The following TRIP12 variants were observed in gnomAD, a reference collection of about 807,000 sequenced individuals.
TRIP12 encodes the protein E3 ubiquitin-protein ligase TRIP12.
Under a neutral mutation model 244.2 loss-of-function variants are expected in TRIP12, and 25 were observed. That is an observed-to-expected ratio of 0.10 (90% CI 0.07 to 0.14). The LOEUF (loss-of-function observed/expected upper bound fraction) is 0.14. TRIP12 is among the 10% of genes least tolerant of loss of function. The pLI, the probability that TRIP12 is intolerant of heterozygous loss-of-function variation, is 1.00. For missense variants in TRIP12, 1,677 were observed against 2,486.4 expected, an observed-to-expected ratio of 0.67 and a Z score of 6.92; for synonymous variants, 905 against 873.1, an observed-to-expected ratio of 1.04 and a Z score of -0.64.
intron 8 of TRIP12, among the ~76,000 whole-genome samples, chr2:229,822,109 C>A (rs1033250247): frequency 1.4e-4 from 21 of 152,146 alleles, no homozygotes; most frequent in African/African-American, 4.1e-4. Context: ...CGCTGCACTC[C>A]AGCATGAGCG....
At position 229,860,382 on chromosome 2, in the gene TRIP12, T is replaced by A. The variant is rs201319063; in HGVS notation, c.224+24A>T. On this transcript the variant is annotated intron_variant, in intron 3 of 41. Transcript: ENST00000675903. ...AATGCAAATAATTCTGCCTTGAAAA[T>A]GTATAAGCAACATGAAGATTTACCT... 6.5e-4 allele frequency: 1,035 copies of A among 1,584,536 alleles called. 2 individuals carry two copies. The highest frequency in any genetic ancestry group is 2.8e-3 in the Admixed American group (158 of 55,728).
intron 31 of TRIP12, among the ~76,000 whole-genome samples, chr2:229,789,369 T>C (rs770116697): frequency 3.9e-5 from 6 of 152,248 alleles, no homozygotes; most frequent in Non-Finnish European, 8.8e-5. Context: ...AAGTTTCATA[T>C]TGTAGCTTAA....
At chr2:229,831,624 CTG>C (rs2053410792) in intron 6 of TRIP12, among the ~76,000 whole-genome samples, 1 of 152,152 alleles carries the variant, frequency 6.6e-6, no homozygotes, top group Non-Finnish European at 1.5e-5. Flanking sequence ...GGGCCAGACT[CTG>C]TCTCAAAACA....
intron 39 of TRIP12, among the ~76,000 whole-genome samples, chr2:229,769,892 A>G (rs2033557089): frequency 6.6e-6 from 1 of 152,202 alleles, no homozygotes; most frequent in African/African-American, 2.4e-5. Context: ...AAAGCAATAA[A>G]TGCTTTCATG....
chr2:229,825,302 TAA>T (rs1241316567), intron 8 of TRIP12, among the ~76,000 whole-genome samples: 1 of 152,136 alleles, frequency 6.6e-6, no homozygotes, highest in East Asian at 1.9e-4. Flanking sequence ...CATCAACTTT[TAA>T]AAGTCTAGAA....
Position 229,812,658 on chromosome 2 carries a change from T to C in TRIP12, c.1986+1212A>G, listed in dbSNP as rs182089737. Among the ~76,000 whole-genome samples, 326 of 152,074 alleles carry C rather than the reference T, an allele frequency of 2.1e-3. 1 individual carries two copies. The highest frequency in any genetic ancestry group is 6.8e-3 in the Middle Eastern group (2 of 294). On this transcript the variant is annotated intron_variant, in intron 13 of 41. Coordinates refer to ENST00000675903, the MANE Select transcript of TRIP12 (RefSeq NM_001348323.3). The stretch of plus-strand genomic sequence containing the variant: ...CTGTCTCTACTAAAAACACAAAAAT[T>C]AGCTGGGCGTGGTGGCACGCAACTG...
Position 229,766,476 on chromosome 2 carries a change from G to A in TRIP12, c.*1078C>T, listed in dbSNP as rs1410413639. 6.6e-6 allele frequency: 1 copy of A among 152,170 alleles called. No individual in the cohort carries two copies. The highest frequency in any genetic ancestry group is 1.5e-5 in the Non-Finnish European group (1 of 68,034). The allele number at this position is 152,170 out of a possible 1,614,324, so 9.4% of individuals were successfully genotyped here. The stretch of plus-strand genomic sequence containing the variant: ...GCACATAAAATGACTGGACAGCATT[G>A]CTTACAGGTGCTTTTATCTGCGTCG... On this transcript the variant is annotated 3_prime_UTR_variant, in exon 42 of 42. Transcript: ENST00000675903.
At chr2:229,878,037 T>C (rs2063959099) in intron 2 of TRIP12, among the ~76,000 whole-genome samples, 2 of 152,310 alleles carry the variant, frequency 1.3e-5, no homozygotes, top group South Asian at 4.1e-4. Flanking sequence ...CTTAACATGC[T>C]AAAATACTGA....
rs2045732319 is a variant in TRIP12, at chr2:229,805,752, G to A, written c.2628C>T (p.Asn876=). Residue 876 remains asparagine (N), a synonymous_variant, in exon 18 of 42, where the codon AAC becomes AAT. Coordinates refer to ENST00000675903, the MANE Select transcript of TRIP12 (RefSeq NM_001348323.3). ...TACTAGTGTTACTATTGGCTAACGG[G>A]TTAGGTTTTCTCTGAATGGCACGTG... ...GTARAIQRKP[N]PLANSNTSGY... 1 of 1,600,970 alleles carries A rather than the reference G, an allele frequency of 6.2e-7. No individual in the cohort carries two copies. The highest frequency in any genetic ancestry group is 8.5e-7 in the Non-Finnish European group (1 of 1,169,720).
chr2:229,908,764 A>G (rs2073578228), intron 1 of TRIP12, among the ~76,000 whole-genome samples: 1 of 148,484 alleles, frequency 6.7e-6, no homozygotes, highest in Non-Finnish European at 1.5e-5. Flanking sequence ...GCTGCTGGAC[A>G]TGGTGGCTTA....
intron 3 of TRIP12, 131 bp from the exon 4 acceptor site, chr2:229,859,705 G>T (rs1559924394): frequency 2.0e-6 from 2 of 1,003,484 alleles, no homozygotes; most frequent in Non-Finnish European, 2.9e-6. Context: ...TTTTCAGAAG[G>T]TTCAAATCTG....
At chr2:229,800,862 G>A (rs368105674) in intron 21 of TRIP12, among the ~76,000 whole-genome samples, 1 of 152,036 alleles carries the variant, frequency 6.6e-6, no homozygotes, top group Admixed American at 6.6e-5. Flanking sequence ...CCGGGAGTTC[G>A]AGGTTAGCCT....
intron 5 of TRIP12, 79 bp from the exon 6 acceptor site, chr2:229,837,063 C>T: frequency 3.0e-6 from 4 of 1,334,666 alleles, no homozygotes; most frequent in Non-Finnish European, 2.9e-6. Flanking sequence ...AGCTCAAATT[C>T]ATGGAGCACA....
chr2:229,875,271 T>C (rs905697213), intron 2 of TRIP12, among the ~76,000 whole-genome samples: 1 of 152,196 alleles, frequency 6.6e-6, no homozygotes, highest in Non-Finnish European at 1.5e-5. Context: ...TACTTTCATT[T>C]ATCTTAAGAA....
Position 229,764,876 on chromosome 2 carries a change from A to T in TRIP12, c.*2678T>A, listed in dbSNP as rs545875589. On this transcript the variant is annotated 3_prime_UTR_variant, in exon 42 of 42. Coordinates refer to ENST00000675903, the MANE Select transcript of TRIP12 (RefSeq NM_001348323.3). ...ACTTTCTTTATATCCTGCTAGTGAA[A>T]GTTCTGTCACTACAAATGCAGGGAA... is the stretch of plus-strand genomic sequence containing the variant. The T allele has an allele frequency of 2.6e-5, 4 of 152,342 alleles. No individual in the cohort carries two copies. The East Asian group carries it at 7.7e-4, about 29-fold the overall frequency. The allele number at this position is 152,342 out of a possible 1,614,324, so 9.4% of individuals were successfully genotyped here. A position where few individuals can be genotyped will look rare whatever the true frequency, so the allele number is the denominator to read the frequency against.
chr2:229,914,862 T>C (rs1423193732), intron 1 of TRIP12, among the ~76,000 whole-genome samples: 1 of 152,220 alleles, frequency 6.6e-6, no homozygotes, highest in Non-Finnish European at 1.5e-5. Flanking sequence ...ACCATATTTA[T>C]AGAAATATGT....
At chr2:229,850,995 T>TC (rs2058579262) in intron 4 of TRIP12, among the ~76,000 whole-genome samples, 1 of 152,126 alleles carries the variant, frequency 6.6e-6, no homozygotes, top group South Asian at 2.1e-4. Flanking sequence ...GGCTGAGCCT[T>TC]CCCCCACCTC....
Position 229,795,053 on chromosome 2 carries a change from TTTC to T in TRIP12, c.3968+123_3968+125del, listed in dbSNP as rs2042478721. ...TTCATTCTTTAGAGTGCTTAATTTC[TTTC>T]ATCATTACAGCTGAATGTTTTCTGG... is the stretch of plus-strand genomic sequence containing the variant. On this transcript the variant is annotated intron_variant, in intron 26 of 41. Transcript: ENST00000675903. 1.2e-5 allele frequency: 14 copies of T among 1,141,536 alleles called. No individual in the cohort carries two copies. The Admixed American group carries it at 3.5e-4, about 29-fold the overall frequency. 70.7% of individuals were successfully genotyped at this position (1,141,536 alleles called of 1,614,324 possible).
chr2:229,887,460 A>G (rs188275582), intron 1 of TRIP12, among the ~76,000 whole-genome samples: 140 of 152,352 alleles, frequency 9.2e-4, no homozygotes, highest in South Asian at 3.3e-3. Context: ...CCAGAAACAA[A>G]AAGTTTTACA....
Sources: gnomAD v4.1 joint callset for allele counts (sites outside exome capture counted in the v4.1 genomes callset) on GRCh38, gnomAD v4.1.1 for gene constraint, MANE v1.5 for transcripts, NCBI Gene and HGNC (gene_info 2026-07-23, HGNC 2026-07-21) for gene names.